The following DDIT4L variants were observed in gnomAD, a reference collection of about 807,000 sequenced individuals.
DDIT4L encodes DNA damage-inducible transcript 4-like protein.
In DDIT4L, 13 loss-of-function variants were observed where a neutral mutation model predicts 15.9. The observed-to-expected ratio is 0.82, with a 90% CI of 0.53 to 1.30. DDIT4L has a LOEUF of 1.30. Among genes scored for constraint, DDIT4L ranks in the 50% most tolerant of loss-of-function variants. The pLI is 0.00. For missense variants in DDIT4L, 235 were observed against 224.8 expected (o/e 1.05, Z -0.29); for synonymous variants, 82 against 85.4 (o/e 0.96, Z 0.22).
intron 2 of DDIT4L, 91 bp downstream of exon 2, chr4:100,189,802 G>T: frequency 1.7e-6 from 2 of 1,174,752 alleles, no homozygotes; most frequent in Non-Finnish European, 1.3e-6. Context: ...CCTACATAGA[G>T]GTAGGGGAGG....
chr4:100,189,743 T>G, intron 2 of DDIT4L, 150 bp downstream of exon 2: 1 of 642,590 alleles, frequency 1.6e-6, no homozygotes, highest in Admixed American at 3.1e-5. Context: ...GGAGAGAAGA[T>G]GTTAGAAAAT....
rs201313366 is a variant in DDIT4L, at chr4:100,187,835, G to A, written c.424C>T (p.Gln142Ter). 99 of 1,613,680 alleles carry A rather than the reference G, an allele frequency of 6.1e-5. No individual in the cohort carries two copies. The East Asian group carries it at 2.1e-3, about 34-fold the overall frequency. Reference sequence around the variant, plus strand: ...AAGCTAGTCCATGAGCAGTTCTCCTGCTTAAACACAAGTGTAAGCTCAAAA... The same window carrying A: ...AAGCTAGTCCATGAGCAGTTCTCCTACTTAAACACAAGTGTAAGCTCAAAA... ...PTFELTLVFK[Q>*]ENCSWTSFRD... is the part of the protein sequence containing the mutation. Residue 142 changes from glutamine (Q) to a stop codon, truncating the protein, a stop_gained, in exon 3 of 3, where the codon CAG becomes TAG. Transcript: ENST00000273990. LOFTEE classifies it high-confidence loss of function.
In DDIT4L at chr4:100,187,830, C is replaced by G. The variant is rs778623824; in HGVS notation, c.429G>C (p.Glu143Asp). 1 of 1,613,760 alleles carries G rather than the reference C, an allele frequency of 6.2e-7. No homozygotes were observed. Among genetic ancestry groups the G allele is most frequent in the Non-Finnish European group, 8.5e-7 (1 of 1,179,958 alleles). ...CCCTGAAGCTAGTCCATGAGCAGTT[C>G]TCCTGCTTAAACACAAGTGTAAGCT... ...TFELTLVFKQ[E>D]NCSWTSFRDF... Residue 143 changes from glutamate to aspartate, a missense_variant, in exon 3 of 3, where the codon GAG becomes GAC. Transcript: ENST00000273990.
intron 2 of DDIT4L, among the ~76,000 whole-genome samples, chr4:100,188,741 G>C (rs1723465193): frequency 1.3e-5 from 2 of 152,192 alleles, no homozygotes; most frequent in South Asian, 4.1e-4. Flanking sequence ...TCAAATTTGT[G>C]TCTTTAAGTC....
chr4:100,185,923 A>G lies in DDIT4L; in HGVS notation c.*1754T>C, dbSNP rs1019684448. ...AAATAGACAAACTTTAATTTCCTTT[A>G]ACAGGAATATTAATTTAACAGCCTT... On this transcript the variant is annotated 3_prime_UTR_variant, in exon 3 of 3. Coordinates refer to ENST00000273990, the MANE Select transcript of DDIT4L (RefSeq NM_145244.4). 1.3e-5 allele frequency: 2 copies of G among 152,244 alleles called. No individual in the cohort carries two copies. Among genetic ancestry groups the G allele is most frequent in the Non-Finnish European group, 2.9e-5 (2 of 68,046 alleles). 9.4% of individuals were successfully genotyped at this position (152,244 alleles called of 1,614,324 possible).
intron 1 of DDIT4L, 110 bp from the exon 2 acceptor site, chr4:100,190,142 C>T: frequency 3.1e-6 from 2 of 651,986 alleles, no homozygotes; most frequent in Non-Finnish European, 5.3e-6. Flanking sequence ...AACTCCTTTG[C>T]CAAAGGGGTG....
chr4:100,187,853 G>A lies in DDIT4L; in HGVS notation c.406C>T (p.Leu136Phe), dbSNP rs776091624. The change falls in exon 3 of 3, where the codon CTT becomes TTT. Residue 136 changes from leucine (L) to phenylalanine (F), a missense_variant. Physicochemically the swap from Leu to Phe is conservative, Grantham distance 22. Coordinates refer to ENST00000273990, the MANE Select transcript of DDIT4L (RefSeq NM_145244.4). ...CDSSVVPTFELTLVFKQENCS... is the reference protein window; with the variant it reads ...CDSSVVPTFEFTLVFKQENCS... ...TTCTCCTGCTTAAACACAAGTGTAA[G>A]CTCAAAAGTAGGTACGACGCTAGAA... 3.1e-6 allele frequency: 5 copies of A among 1,613,528 alleles called. No homozygotes were observed. In the South Asian group the frequency reaches 4.4e-5, roughly 14 times the overall value.
In DDIT4L at chr4:100,190,367, G is replaced by C. The variant is rs919327678; in HGVS notation, c.-114C>G. On this transcript the variant is annotated 5_prime_UTR_variant, in exon 1 of 3. Transcript: ENST00000273990. ...GTAAACACAGGCAGGTGGCTTCTTAGGAGTCCCCTCTCCTGGGGACTCGGT... is the reference window on the plus strand; with the variant it reads ...GTAAACACAGGCAGGTGGCTTCTTACGAGTCCCCTCTCCTGGGGACTCGGT... 1 of 250,540 alleles carries C rather than the reference G, an allele frequency of 4.0e-6. No homozygotes were observed. The highest frequency in any genetic ancestry group is 2.3e-5 in the African/African-American group (1 of 43,128). 15.5% of individuals were successfully genotyped at this position (250,540 alleles called of 1,614,324 possible).
chr4:100,189,285 C>T (rs1373750005), intron 2 of DDIT4L, among the ~76,000 whole-genome samples: 1 of 152,200 alleles, frequency 6.6e-6, no homozygotes, highest in Non-Finnish European at 1.5e-5. Flanking sequence ...TCAACAGTTT[C>T]CTTCTCACAT....
intron 2 of DDIT4L, among the ~76,000 whole-genome samples, chr4:100,189,499 T>A (rs1321292044): frequency 6.6e-6 from 1 of 152,140 alleles, no homozygotes; most frequent in Non-Finnish European, 1.5e-5. Flanking sequence ...AAAAATCAGA[T>A]CAGTAGTTCC....
intron 2 of DDIT4L, among the ~76,000 whole-genome samples, chr4:100,189,664 C>T (rs1194719242): frequency 1.3e-5 from 2 of 152,194 alleles, no homozygotes; most frequent in African/African-American, 4.8e-5. Flanking sequence ...TCCCAAGGGG[C>T]CTACTGGCAC....
rs993165093 is a variant in DDIT4L at position 100,189,862 on chromosome 4, G to A, written c.91+31C>T. The stretch of plus-strand genomic sequence containing the variant: ...AGATCCAGAGGCACCGACCTTGGGA[G>A]GGGAGAAGGGTGGACAGCGGGGACA... On this transcript the variant is annotated intron_variant, in intron 2 of 2. Transcript: ENST00000273990. The A allele has an allele frequency of 6.2e-6, 10 of 1,607,786 alleles. No homozygotes were observed. The African/African-American group carries it at 1.1e-4, about 17-fold the overall frequency.
chr4:100,190,025 C>G lies in DDIT4L; in HGVS notation c.-42G>C. ...TCCTTCGCGAGGCGCAACGGCCTTT[C>G]CTGAGCGCTGGAAAAAATGAGGCGA... is the stretch of plus-strand genomic sequence containing the variant. On this transcript the variant is annotated 5_prime_UTR_variant, in exon 2 of 3. Coordinates refer to ENST00000273990, the MANE Select transcript of DDIT4L (RefSeq NM_145244.4). 1 of 1,590,322 alleles carries G rather than the reference C, an allele frequency of 6.3e-7. No homozygotes were observed. Among genetic ancestry groups the G allele is most frequent in the Non-Finnish European group, 8.6e-7 (1 of 1,159,106 alleles).
chr4:100,187,210 A>C lies in DDIT4L; in HGVS notation c.*467T>G, dbSNP rs946959667. On this transcript the variant is annotated 3_prime_UTR_variant, in exon 3 of 3. Transcript: ENST00000273990. ...AAAACCCTTCAAATTTGAGTCAGGA[A>C]CTGGTGGTGTGGGCTTTTGGAAGTT... 4 of 152,600 alleles carry C rather than the reference A, an allele frequency of 2.6e-5. No homozygotes were observed. The highest frequency in any genetic ancestry group is 5.9e-5 in the Non-Finnish European group (4 of 68,358). 9.5% of individuals were successfully genotyped at this position (152,600 alleles called of 1,614,324 possible).
Position 100,187,614 on chromosome 4 carries a change from T to C in DDIT4L, c.*63A>G. 2.0e-6 allele frequency: 3 copies of C among 1,522,888 alleles called. No homozygotes were observed. Among genetic ancestry groups the C allele is most frequent in the Non-Finnish European group, 1.7e-6 (2 of 1,143,946 alleles). 94.3% of individuals were successfully genotyped at this position (1,522,888 alleles called of 1,614,324 possible). A position where few individuals can be genotyped will look rare whatever the true frequency, so the allele number is the denominator to read the frequency against. The stretch of plus-strand genomic sequence containing the variant: ...AGGTGGGGCAAACTACAAATGACTT[T>C]AGCTGACTAGCTGAATAGTTTTACT... On this transcript the variant is annotated 3_prime_UTR_variant, in exon 3 of 3. Coordinates refer to ENST00000273990, the MANE Select transcript of DDIT4L (RefSeq NM_145244.4).
At chr4:100,188,260 T>A in intron 2 of DDIT4L, 93 bp from the exon 3 acceptor site, 1 of 1,308,538 alleles carries the variant, frequency 7.6e-7, no homozygotes, top group South Asian at 1.4e-5. Context: ...TACCTCTATC[T>A]ACCATGTCTG....
intron 1 of DDIT4L, 107 bp from the exon 2 acceptor site, chr4:100,190,139 T>A (rs1324121400): frequency 7.6e-6 from 5 of 659,972 alleles, no homozygotes; most frequent in Admixed American, 2.6e-5. Flanking sequence ...AGGAACTCCT[T>A]TGCCAAAGGG....
rs768677435 is a variant in DDIT4L, at chr4:100,189,946, G to A, written c.38C>T (p.Ala13Val). The change falls in exon 2 of 3, where the codon GCC becomes GTC. Residue 13 changes from alanine (A) to valine (V), a missense_variant. Physicochemically the swap from Ala to Val is moderately conservative, Grantham distance 64. Coordinates refer to ENST00000273990, the MANE Select transcript of DDIT4L (RefSeq NM_145244.4). ...ATGSLSSKNPASISELLDCGY... is the reference protein window; with the variant it reads ...ATGSLSSKNPVSISELLDCGY... The stretch of plus-strand genomic sequence containing the variant: ...ACAGTCCAGCAATTCTGAAATGCTG[G>A]CCGGGTTCTTGCTGCTCAAACTGCC... 9 of 1,614,140 alleles carry A rather than the reference G, an allele frequency of 5.6e-6. No individual in the cohort carries two copies. The South Asian group carries it at 9.9e-5, about 18-fold the overall frequency.
In DDIT4L at chr4:100,189,878, A is replaced by T. The variant is rs1172599397; in HGVS notation, c.91+15T>A. The T allele has an allele frequency of 6.2e-7, 1 of 1,613,188 alleles. No individual in the cohort carries two copies. The highest frequency in any genetic ancestry group is 2.2e-5 in the East Asian group (1 of 44,808). ...ACCTTGGGAGGGGAGAAGGGTGGACAGCGGGGACACTCACCACTTAGCAGG... is the reference window on the plus strand; with the variant it reads ...ACCTTGGGAGGGGAGAAGGGTGGACTGCGGGGACACTCACCACTTAGCAGG... On this transcript the variant is annotated intron_variant, in intron 2 of 2. Transcript: ENST00000273990.
Sources: gnomAD v4.1 joint callset for allele counts (sites outside exome capture counted in the v4.1 genomes callset) on GRCh38, gnomAD v4.1.1 for gene constraint, MANE v1.5 for transcripts, NCBI Gene and HGNC (gene_info 2026-07-23, HGNC 2026-07-21) for gene names.